PHF20L1: variants seen among roughly 807,000 people sequenced by gnomAD.
PHF20L1 encodes PHD finger protein 20 like 1.
In PHF20L1, 44 loss-of-function variants were observed where a neutral mutation model predicts 125.5. That is an observed-to-expected ratio of 0.35 (90% CI 0.28 to 0.45). The LOEUF (loss-of-function observed/expected upper bound fraction) is 0.45, where lower values mean the gene tolerates loss of function less well. PHF20L1 is among the 20% of genes least tolerant of loss of function. The probability of loss-of-function intolerance (pLI) is 1.00; values close to 1 mark genes in which losing one functional copy is unlikely to be tolerated. For synonymous variants in PHF20L1, 380 were observed against 403.1 expected (o/e 0.94, Z 0.69); for missense variants, 1,012 against 1,217.2 (o/e 0.83, Z 2.51).
intron 13 of PHF20L1, 190 bp downstream of exon 13, chr8:132,824,250 C>CT (rs1389260347): frequency 1.2e-5 from 5 of 401,628 alleles, no homozygotes; most frequent in Non-Finnish European, 2.3e-5. Context: ...TTATATGTAA[C>CT]TTTTTTGTCA....
intron 19 of PHF20L1, chr8:132,843,466 TAAC>T (rs1587105131): frequency 1.0e-6 from 1 of 980,924 alleles, no homozygotes; most frequent in East Asian, 1.1e-4. Context: ...CTGCATTCCT[TAAC>T]AAGTAATTAC....
Position 132,836,383 on chromosome 8 carries a change from T to C in PHF20L1, c.1910-157T>C. The C allele has an allele frequency of 7.8e-6, 4 of 515,000 alleles. No individual in the cohort carries two copies. The South Asian group carries it at 1.5e-4, about 19-fold the overall frequency. The allele number at this position is 515,000 out of a possible 1,614,324, so 31.9% of individuals were successfully genotyped here. A position where few individuals can be genotyped will look rare whatever the true frequency, so the allele number is the denominator to read the frequency against. On this transcript the variant is annotated intron_variant, in intron 15 of 20. Transcript: ENST00000395386. ...AAGCTTCAAAAATCTTTTGTTTCCATGTCCAGAGACAAGTACAGTACAGTA... is the reference window on the plus strand; with the variant it reads ...AAGCTTCAAAAATCTTTTGTTTCCACGTCCAGAGACAAGTACAGTACAGTA...
chr8:132,829,361 A>G (rs1417713496), intron 14 of PHF20L1, among the ~76,000 whole-genome samples: 1 of 152,126 alleles, frequency 6.6e-6, no homozygotes, highest in Non-Finnish European at 1.5e-5. Context: ...TCTACATCCC[A>G]GTTTCCTTTC....
At chr8:132,833,904 AAC>A (rs1837058078) in intron 15 of PHF20L1, among the ~76,000 whole-genome samples, 1 of 152,114 alleles carries the variant, frequency 6.6e-6, no homozygotes. Context: ...AGTGTGTTAA[AAC>A]ACATTTCTGG....
Position 132,840,671 on chromosome 8 carries a change from C to T in PHF20L1, c.2387+1089C>T, listed in dbSNP as rs144170487. The stretch of plus-strand genomic sequence containing the variant: ...CCCTAAATGAAGCAAGCTTTTCCAT[C>T]GCTCTAGGCCTTTACTCACACCCAG... On this transcript the variant is annotated intron_variant, in intron 18 of 20. Coordinates refer to ENST00000395386, the MANE Select transcript of PHF20L1 (RefSeq NM_016018.5). Among the ~76,000 whole-genome samples the T allele has an allele frequency of 2.8e-3, 431 of 152,192 alleles. 3 individuals carry two copies. Among genetic ancestry groups the T allele is most frequent in the African/African-American group, 0.01 (418 of 41,548 alleles).
chr8:132,796,771 G>C (rs1005306506), intron 4 of PHF20L1, among the ~76,000 whole-genome samples: 5 of 151,994 alleles, frequency 3.3e-5, no homozygotes, highest in African/African-American at 1.2e-4. Flanking sequence ...GTCTAGTCCA[G>C]AGCCTAGCAC....
At chr8:132,802,527 C>T (rs1004508936) in intron 6 of PHF20L1, among the ~76,000 whole-genome samples, 3 of 151,656 alleles carry the variant, frequency 2.0e-5, no homozygotes, top group African/African-American at 7.3e-5. Context: ...TTGTATTTAC[C>T]TGTGAATTCC....
At chr8:132,823,266 G>T (rs1360398579) in intron 12 of PHF20L1, among the ~76,000 whole-genome samples, 1 of 151,932 alleles carries the variant, frequency 6.6e-6, no homozygotes, top group Non-Finnish European at 1.5e-5. Flanking sequence ...GTACAAGTTT[G>T]TTTTAGGCAC....
At chr8:132,811,002 C>A in intron 8 of PHF20L1, 44 bp from the exon 9 acceptor site, 1 of 1,192,714 alleles carries the variant, frequency 8.4e-7, no homozygotes, top group South Asian at 1.2e-5. Context: ...GGGTGTAAAT[C>A]AGTATTTTTT....
chr8:132,812,806 A>G, intron 9 of PHF20L1: 1 of 983,428 alleles, frequency 1.0e-6, no homozygotes, highest in Non-Finnish European at 1.2e-6. Context: ...CTGTTTCCTA[A>G]TGAGTTAAAG....
intron 9 of PHF20L1, chr8:132,812,623 A>C: frequency 3.0e-6 from 3 of 984,466 alleles, no homozygotes; most frequent in Non-Finnish European, 3.6e-6. Context: ...CTCATTTTCT[A>C]CTTGTCATTC....
At chr8:132,793,563 G>T (rs543199696) in intron 2 of PHF20L1, among the ~76,000 whole-genome samples, 1 of 152,228 alleles carries the variant, frequency 6.6e-6, no homozygotes, top group African/African-American at 2.4e-5. Flanking sequence ...AGTTCTGAAT[G>T]TTATTTAATC....
At position 132,796,895 on chromosome 8, in the gene PHF20L1, A is replaced by G. The variant is rs140457029; in HGVS notation, c.341-1877A>G. Among the ~76,000 whole-genome samples, 1,274 of 152,248 alleles carry G rather than the reference A, an allele frequency of 8.4e-3. 20 individuals are homozygous for G. Among genetic ancestry groups the G allele is most frequent in the African/African-American group, 0.029 (1,201 of 41,576 alleles). ...AAATTAAACAGTCATTGCCCTCTAC[A>G]TTAATTCATAACAGTTTCTTTTAAG... On this transcript the variant is annotated intron_variant, in intron 4 of 20. Transcript: ENST00000395386.
chr8:132,844,486 C>T (rs149201212), intron 20 of PHF20L1, among the ~76,000 whole-genome samples, 168 bp downstream of exon 20: 72 of 152,104 alleles, frequency 4.7e-4, no homozygotes, highest in Admixed American at 8.5e-4. Flanking sequence ...GGATCTTTTA[C>T]GCTTAAAACA....
intron 11 of PHF20L1, 56 bp from the exon 12 acceptor site, chr8:132,817,283 G>C: frequency 7.1e-7 from 1 of 1,410,716 alleles, no homozygotes; most frequent in African/African-American, 1.4e-5. Context: ...CACAGTGATA[G>C]TAACTGAGCC....
chr8:132,797,715 A>G (rs947556679), intron 4 of PHF20L1, among the ~76,000 whole-genome samples: 36 of 152,166 alleles, frequency 2.4e-4, no homozygotes, highest in African/African-American at 8.7e-4. Flanking sequence ...CGTTAGGCTA[A>G]TTATAGAAAG....
intron 2 of PHF20L1, among the ~76,000 whole-genome samples, chr8:132,792,553 T>A (rs1056555464): frequency 6.6e-6 from 1 of 152,236 alleles, no homozygotes; most frequent in African/African-American, 2.4e-5. Flanking sequence ...TTCTTAGTTC[T>A]GAAGAAATGA....
chr8:132,776,184 C>T (rs971175416), intron 1 of PHF20L1, among the ~76,000 whole-genome samples: 1 of 152,158 alleles, frequency 6.6e-6, no homozygotes, highest in Non-Finnish European at 1.5e-5. Context: ...TCAAATCCCT[C>T]TTCATCCTTC....
chr8:132,821,924 C>T (rs1321242779), intron 12 of PHF20L1, among the ~76,000 whole-genome samples: 3 of 151,846 alleles, frequency 2.0e-5, no homozygotes, highest in Non-Finnish European at 2.9e-5. Flanking sequence ...TCACCAAATT[C>T]TAGCACGTGG....
Sources: gnomAD v4.1 joint callset for allele counts (sites outside exome capture counted in the v4.1 genomes callset) on GRCh38, gnomAD v4.1.1 for gene constraint, MANE v1.5 for transcripts, NCBI Gene and HGNC (gene_info 2026-07-23, HGNC 2026-07-21) for gene names.